FHIP1A: variants seen among roughly 807,000 people sequenced by gnomAD.
FHIP1A encodes the protein FHF complex subunit HOOK-interacting protein 1A.
A neutral mutation model predicts 88.6 loss-of-function variants in FHIP1A; 61 were observed. That is an observed-to-expected ratio of 0.69 (90% CI 0.56 to 0.85). The LOEUF is 0.85. Ranked by LOEUF, FHIP1A falls within the 40% of genes least tolerant of loss-of-function variation. The pLI is 0.00. For synonymous variants in FHIP1A, 478 were observed against 496.0 expected, an observed-to-expected ratio of 0.96 and a Z score of 0.48; for missense variants, 1,154 against 1,273.5, an observed-to-expected ratio of 0.91 and a Z score of 1.43.
chr4:151,478,571 T>C (rs1205969240), intron 2 of FHIP1A, among the ~76,000 whole-genome samples: 1 of 152,164 alleles, frequency 6.6e-6, no homozygotes, highest in African/African-American at 2.4e-5. Context: ...CTTCCTGAAG[T>C]ATGTTTCTTG....
chr4:151,578,173 A>ACAACTTACTGGGAG, intron 5 of FHIP1A, 97 bp downstream of exon 5: 1 of 1,159,906 alleles, frequency 8.6e-7, no homozygotes, highest in Non-Finnish European at 1.2e-6. Flanking sequence ...TTCTCCCAGT[A>ACAACTTACTGGGAG]AGTTGTACTT....
chr4:151,574,358 T>C (rs1419329122), intron 4 of FHIP1A, among the ~76,000 whole-genome samples: 1 of 152,266 alleles, frequency 6.6e-6, no homozygotes, highest in South Asian at 2.1e-4. Context: ...ATAAAAATCT[T>C]AGTTCTCTTT....
At chr4:151,647,065 A>G (rs1400646479) in intron 10 of FHIP1A, among the ~76,000 whole-genome samples, 1 of 152,168 alleles carries the variant, frequency 6.6e-6, no homozygotes, top group Non-Finnish European at 1.5e-5. Flanking sequence ...AGGTGTGGAG[A>G]TGGCTATTGC....
chr4:151,481,057 C>G (rs1389790737), intron 2 of FHIP1A, among the ~76,000 whole-genome samples: 2 of 151,982 alleles, frequency 1.3e-5, no homozygotes, highest in Non-Finnish European at 1.5e-5. Context: ...TTCAAAAAGA[C>G]ATATTTGTTT....
chr4:151,428,838 C>A (rs1455217312), intron 1 of FHIP1A, among the ~76,000 whole-genome samples: 2 of 152,180 alleles, frequency 1.3e-5, no homozygotes, highest in Non-Finnish European at 2.9e-5. Flanking sequence ...ATTCCTCCCC[C>A]TCCCACATCA....
intron 1 of FHIP1A, among the ~76,000 whole-genome samples, chr4:151,448,042 G>A (rs1342429159): frequency 1.3e-5 from 2 of 151,988 alleles, no homozygotes; most frequent in Non-Finnish European, 2.9e-5. Flanking sequence ...TGGAGTAGCT[G>A]GGACTACAGG....
chr4:151,515,390 G>T (rs943959308), intron 3 of FHIP1A, among the ~76,000 whole-genome samples: 5 of 151,860 alleles, frequency 3.3e-5, no homozygotes, highest in African/African-American at 1.2e-4. Flanking sequence ...TTGAAAAGTG[G>T]CACAAGACAG....
intron 1 of FHIP1A, among the ~76,000 whole-genome samples, chr4:151,423,410 C>T (rs1290807844): frequency 6.6e-6 from 1 of 152,104 alleles, no homozygotes; most frequent in Non-Finnish European, 1.5e-5. Context: ...CAATTATGCT[C>T]TCAAATTAAA....
chr4:151,500,188 A>G (rs1033305124), intron 3 of FHIP1A, among the ~76,000 whole-genome samples: 20 of 152,254 alleles, frequency 1.3e-4, no homozygotes, highest in African/African-American at 3.9e-4. Context: ...TTCAGAGGAC[A>G]TGGGGAAATT....
At chr4:151,502,563 A>G (rs1008713429) in intron 3 of FHIP1A, among the ~76,000 whole-genome samples, 4 of 152,172 alleles carry the variant, frequency 2.6e-5, no homozygotes, top group Non-Finnish European at 4.4e-5. Flanking sequence ...GAATCACCCA[A>G]TCTGAGGAGT....
At chr4:151,522,786 T>G (rs1475916044) in intron 3 of FHIP1A, among the ~76,000 whole-genome samples, 1 of 152,254 alleles carries the variant, frequency 6.6e-6, no homozygotes, top group African/African-American at 2.4e-5. Context: ...CTTTCTTCCT[T>G]TTTTCACAAT....
chr4:151,516,980 C>G (rs1731263730), intron 3 of FHIP1A, among the ~76,000 whole-genome samples: 2 of 152,292 alleles, frequency 1.3e-5, no homozygotes, highest in African/African-American at 4.8e-5. Context: ...ATAAATCATG[C>G]TGCCATAAAG....
chr4:151,475,798 A>G (rs1189258213), intron 2 of FHIP1A, among the ~76,000 whole-genome samples: 1 of 152,208 alleles, frequency 6.6e-6, no homozygotes, highest in Non-Finnish European at 1.5e-5. Context: ...TATTAAATAT[A>G]AATAGAAAAA....
chr4:151,553,127 A>G (rs1732810291), intron 3 of FHIP1A, among the ~76,000 whole-genome samples: 1 of 152,200 alleles, frequency 6.6e-6, no homozygotes, highest in Non-Finnish European at 1.5e-5. Context: ...GATGAACATG[A>G]TCTACAGAAA....
rs1353231184 is a variant in FHIP1A at position 151,667,663 on chromosome 4, C to T, written c.*4909C>T. Among the ~76,000 whole-genome samples, 1 of 152,268 alleles carries T rather than the reference C, an allele frequency of 6.6e-6. No individual in the cohort carries two copies. Among genetic ancestry groups the T allele is most frequent in the South Asian group, 2.1e-4 (1 of 4,820 alleles). On this transcript the variant is annotated 3_prime_UTR_variant, in exon 14 of 14. Coordinates refer to ENST00000435205, the MANE Select transcript of FHIP1A (RefSeq NM_001109977.3). ...GCCTTCAGTTCTTTGACCTCTTGCA[C>T]GTAGAATCCTAAAACTGATCATGAT...
chr4:151,416,783 G>A (rs2126512024), intron 1 of FHIP1A, among the ~76,000 whole-genome samples: 1 of 151,950 alleles, frequency 6.6e-6, no homozygotes, highest in East Asian at 1.9e-4. Flanking sequence ...CATGTCTAAT[G>A]TATTATCCTT....
At chr4:151,624,413 G>A (rs1458775564) in intron 7 of FHIP1A, among the ~76,000 whole-genome samples, 3 of 152,034 alleles carry the variant, frequency 2.0e-5, no homozygotes, top group African/African-American at 7.2e-5. Context: ...TTTTTCCCCA[G>A]GCAGACAGAC....
intron 7 of FHIP1A, among the ~76,000 whole-genome samples, chr4:151,615,064 A>G (rs945123704): frequency 6.6e-6 from 1 of 152,174 alleles, no homozygotes; most frequent in Non-Finnish European, 1.5e-5. Context: ...ATTGGTTGGC[A>G]GAAGGATGGC....
At chr4:151,462,029 G>C (rs991320141) in intron 2 of FHIP1A, among the ~76,000 whole-genome samples, 1 of 152,138 alleles carries the variant, frequency 6.6e-6, no homozygotes, top group African/African-American at 2.4e-5. Flanking sequence ...AGGCATGGTG[G>C]TGCATGCCTA....
Sources: gnomAD v4.1 joint callset for allele counts (sites outside exome capture counted in the v4.1 genomes callset) on GRCh38, gnomAD v4.1.1 for gene constraint, MANE v1.5 for transcripts, NCBI Gene and HGNC (gene_info 2026-07-23, HGNC 2026-07-21) for gene names.